Variants in NFIA observed in about 807,000 individuals in gnomAD.
The protein encoded by NFIA is nuclear factor 1 A-type.
In NFIA, 8 loss-of-function variants were observed where a neutral mutation model predicts 62.8. That is an observed-to-expected ratio of 0.13 (90% CI 0.07 to 0.23). The LOEUF (loss-of-function observed/expected upper bound fraction) is 0.23, where lower values mean the gene tolerates loss of function less well. Ranked by LOEUF, NFIA falls within the 10% of genes least tolerant of loss-of-function variation. The pLI is 1.00. For synonymous variants in NFIA, 235 were observed against 238.1 expected, an observed-to-expected ratio of 0.99 and a Z score of 0.12; for missense variants, 410 against 642.1, an observed-to-expected ratio of 0.64 and a Z score of 3.91.
intron 2 of NFIA, among the ~76,000 whole-genome samples, chr1:61,107,132 A>G (rs1570165480): frequency 6.6e-6 from 1 of 151,582 alleles, no homozygotes; most frequent in East Asian, 1.9e-4. Flanking sequence ...GAACTGTAAC[A>G]TGTCTTCTAG....
chr1:61,352,784 C>G (rs1362296888), intron 5 of NFIA, among the ~76,000 whole-genome samples: 1 of 149,938 alleles, frequency 6.7e-6, no homozygotes, highest in Non-Finnish European at 1.5e-5. Flanking sequence ...CACACACACA[C>G]GCACACACAC....
chr1:61,302,741 G>A (rs1321637377), intron 3 of NFIA, among the ~76,000 whole-genome samples: 1 of 151,940 alleles, frequency 6.6e-6, no homozygotes, highest in African/African-American at 2.4e-5. Context: ...GCAATATTTT[G>A]GAAAAAACAT....
chr1:61,283,581 CAAAAAAAAAAAAAAA>C (rs576613886), intron 3 of NFIA, among the ~76,000 whole-genome samples: 9 of 36,694 alleles, frequency 2.5e-4, no homozygotes, highest in South Asian at 1.2e-3. Context: ...GACTCTGTCT[CAAAAAAAAAAAAAAA>C]AAAAAAAAAA....
chr1:61,275,081 A>G (rs1311360941), intron 2 of NFIA, among the ~76,000 whole-genome samples: 1 of 152,176 alleles, frequency 6.6e-6, no homozygotes, highest in Non-Finnish European at 1.5e-5. Flanking sequence ...CCAGCTTTTG[A>G]ATAAAACTAG....
chr1:61,083,472 G>C (rs1646157466), intron 1 of NFIA, among the ~76,000 whole-genome samples: 1 of 152,022 alleles, frequency 6.6e-6, no homozygotes, highest in Non-Finnish European at 1.5e-5. Context: ...TCCCGGCCCC[G>C]GCCCGGACAG....
intron 2 of NFIA, among the ~76,000 whole-genome samples, chr1:61,137,603 C>T (rs1298614725): frequency 2.0e-5 from 3 of 152,140 alleles, no homozygotes; most frequent in African/African-American, 7.2e-5. Context: ...GGTTCTCAAC[C>T]TTGGCTGCCC....
intron 6 of NFIA, among the ~76,000 whole-genome samples, chr1:61,363,319 A>G (rs1328383354): frequency 1.3e-5 from 2 of 152,198 alleles, no homozygotes; most frequent in African/African-American, 4.8e-5. Flanking sequence ...TTAAAACGTT[A>G]TAAAGCCGGG....
intron 10 of NFIA, among the ~76,000 whole-genome samples, chr1:61,440,661 G>T (rs988637402): frequency 6.7e-6 from 1 of 149,994 alleles, no homozygotes; most frequent in African/African-American, 2.5e-5. Context: ...TCCTCCTCCC[G>T]ATGCTTTTTT....
rs182602711 is a variant in NFIA at position 61,218,849 on chromosome 1, A to T, written c.560-58671A>T. ...CAATTAAGATCTATATTGCTCAAACATGACTGTGTACTTATAGATCATCTT... is the reference window on the plus strand; with the variant it reads ...CAATTAAGATCTATATTGCTCAAACTTGACTGTGTACTTATAGATCATCTT... On this transcript the variant is annotated intron_variant, in intron 2 of 10. Coordinates refer to ENST00000403491, the MANE Select transcript of NFIA (RefSeq NM_001134673.4). Among the ~76,000 whole-genome samples the T allele has an allele frequency of 1.5e-4, 23 of 152,356 alleles. 1 individual carries two copies. The highest frequency in any genetic ancestry group is 8.5e-4 in the Admixed American group (13 of 15,310).
intron 5 of NFIA, among the ~76,000 whole-genome samples, chr1:61,358,474 C>T (rs943539929): frequency 6.8e-6 from 1 of 146,730 alleles, no homozygotes; most frequent in African/African-American, 2.5e-5. Flanking sequence ...GCAACCTCCA[C>T]CTCTCAATTC....
intron 9 of NFIA, among the ~76,000 whole-genome samples, chr1:61,421,633 T>A (rs1666625708): frequency 6.6e-6 from 1 of 152,198 alleles, no homozygotes; most frequent in African/African-American, 2.4e-5. Flanking sequence ...CCTCACATTT[T>A]CCTCCTAGCT....
chr1:61,111,681 A>T (rs1646696111), intron 2 of NFIA, among the ~76,000 whole-genome samples: 1 of 152,122 alleles, frequency 6.6e-6, no homozygotes, highest in Admixed American at 6.6e-5. Flanking sequence ...ACAGCTAGTT[A>T]GAGTGTGTGT....
At chr1:61,325,670 G>A (rs111449081) in intron 3 of NFIA, among the ~76,000 whole-genome samples, 2 of 152,292 alleles carry the variant, frequency 1.3e-5, no homozygotes, top group African/African-American at 4.8e-5. Context: ...TGTAATCCCA[G>A]CACTTTGGGA....
chr1:61,400,930 C>G (rs1045864173), intron 7 of NFIA, among the ~76,000 whole-genome samples: 1 of 152,184 alleles, frequency 6.6e-6, no homozygotes, highest in South Asian at 2.1e-4. Context: ...CAAAGTTAGG[C>G]AGGCATTGAT....
intron 4 of NFIA, among the ~76,000 whole-genome samples, chr1:61,345,524 C>T (rs933188635): frequency 1.3e-5 from 2 of 152,184 alleles, no homozygotes; most frequent in South Asian, 4.1e-4. Context: ...AGTGCTCAGG[C>T]TGCAGACTAG....
rs11423561 is a variant in NFIA at position 61,455,513 on chromosome 1, A to AT, written c.*206dup. ...ACAGCAAAGGCCATAACCTTTTGGG[A>AT]TTTTTTTTTTTTTAAAATACTTTAG... On this transcript the variant is annotated 3_prime_UTR_variant, in exon 11 of 11. Coordinates refer to ENST00000403491, the MANE Select transcript of NFIA (RefSeq NM_001134673.4). 295,771 of 580,116 alleles carry AT rather than the reference A, an allele frequency of 0.51. 40,898 individuals carry two copies. The highest frequency in any genetic ancestry group is 0.6 in the Admixed American group (16,345 of 27,436). 35.9% of individuals were successfully genotyped at this position (580,116 alleles called of 1,614,324 possible).
At position 61,263,905 on chromosome 1, in the gene NFIA, G is replaced by A. The variant is rs546540078; in HGVS notation, c.560-13615G>A. 1.6e-4 allele frequency among the ~76,000 whole-genome samples: 25 copies of A among 152,122 alleles called. No homozygotes were observed. The South Asian group carries it at 4.6e-3, about 28-fold the overall frequency. Reference sequence around the variant, plus strand: ...CTCACGAGGCTGAGGCAGGAGAATCGCTTGAACCCGGGAGGCAGAGGTTGC... The same window carrying A: ...CTCACGAGGCTGAGGCAGGAGAATCACTTGAACCCGGGAGGCAGAGGTTGC... On this transcript the variant is annotated intron_variant, in intron 2 of 10. Coordinates refer to ENST00000403491, the MANE Select transcript of NFIA (RefSeq NM_001134673.4).
chr1:61,335,142 A>T (rs1661532322), intron 4 of NFIA, among the ~76,000 whole-genome samples: 1 of 152,200 alleles, frequency 6.6e-6, no homozygotes, highest in Non-Finnish European at 1.5e-5. Context: ...CTGCTGTGTA[A>T]TCGCTCTGGG....
chr1:61,391,435 AACACACACAC>A (rs60938787), intron 7 of NFIA, among the ~76,000 whole-genome samples: 6,202 of 124,646 alleles, frequency 0.05, 171 homozygotes, highest in African/African-American at 0.089. Context: ...TTATGAATCA[AACACACACAC>A]ACACACACAC....
Sources: allele counts gnomAD v4.1 joint callset (sites outside exome capture counted in the v4.1 genomes callset), GRCh38; gene constraint gnomAD v4.1.1; transcripts MANE v1.5; gene names NCBI Gene and HGNC (gene_info 2026-07-23, HGNC 2026-07-21).